Variants in FGD5 observed in about 807,000 individuals in gnomAD.
The protein encoded by FGD5 is FYVE, RhoGEF and PH domain containing 5, also known as FYVE, RhoGEF and PH domain-containing protein 5.
Under a neutral mutation model 133.4 loss-of-function variants are expected in FGD5, and 28 were observed. The ratio of observed to expected loss-of-function variants is 0.21; its 90% CI spans 0.16 to 0.29. The LOEUF is 0.29. Ranked by LOEUF, FGD5 falls within the 10% of genes least tolerant of loss-of-function variation. The pLI is 1.00. For missense variants in FGD5, 1,858 were observed against 1,895.2 expected (o/e 0.98, Z 0.36); for synonymous variants, 810 against 776.5 (o/e 1.04, Z -0.72).
rs934462434 is a variant in FGD5 at position 14,819,311 on chromosome 3, C to A, written c.240C>A (p.Asp80Glu). 2.6e-6 allele frequency: 4 copies of A among 1,534,410 alleles called. No homozygotes were observed. Among genetic ancestry groups the A allele is most frequent in the Non-Finnish European group, 2.6e-6 (3 of 1,138,226 alleles). The change falls in exon 1 of 20, where the codon GAC becomes GAA. Residue 80 changes from aspartate (D) to glutamate (E), a missense_variant. Asp to Glu is a conservative substitution (Grantham distance 45, BLOSUM62 2). Coordinates refer to ENST00000285046, the MANE Select transcript of FGD5 (RefSeq NM_152536.4). This position sits in a 1 kb window ranked among gnomAD's most constrained non-coding sequence, Gnocchi z 4.1. ...CGCTGAGGGAGGATGAACCCAAGGA[C>A]GAGGGCAGTGTGGGGAACAAAGCCC... ...RVPLREDEPK[D>E]EGSVGNKALV...
intron 1 of FGD5, among the ~76,000 whole-genome samples, chr3:14,848,717 A>C (rs1301705125): frequency 6.6e-6 from 1 of 152,200 alleles, no homozygotes; most frequent in Non-Finnish European, 1.5e-5. Flanking sequence ...AAAGGTACCC[A>C]CCCATGCAAG....
At chr3:14,854,432 T>TTGATTGATTGATTG (rs1553625404) in intron 1 of FGD5, among the ~76,000 whole-genome samples, 2 of 143,364 alleles carry the variant, frequency 1.4e-5, no homozygotes, top group African/African-American at 2.6e-5. Context: ...TTTATTTATT[T>TTGATTGATTGATTG]ATTGAGACGA....
intron 1 of FGD5, among the ~76,000 whole-genome samples, chr3:14,857,352 AT>A (rs931270293): frequency 3.9e-4 from 59 of 152,178 alleles, no homozygotes; most frequent in Admixed American, 1.4e-3. Flanking sequence ...ACGGGATCTC[AT>A]TTTGTTGCCA....
At chr3:14,896,953 A>C (rs1285430217) in intron 4 of FGD5, 1 of 152,348 alleles carries the variant, frequency 6.6e-6, no homozygotes, top group African/African-American at 2.4e-5. Flanking sequence ...CTTTTTACAC[A>C]GTATATCAGG....
chr3:14,822,489 GT>G (rs11290454), intron 1 of FGD5, among the ~76,000 whole-genome samples: 9,774 of 142,108 alleles, frequency 0.069, 957 homozygotes, highest in African/African-American at 0.22. Context: ...ATCCAAGCTT[GT>G]TTTTTTTTTT....
chr3:14,867,991 T>A (rs1349107773), intron 2 of FGD5, among the ~76,000 whole-genome samples: 4 of 151,162 alleles, frequency 2.6e-5, no homozygotes, highest in African/African-American at 9.8e-5. Flanking sequence ...ATAGGAGAGG[T>A]TTTGGGAGCA....
chr3:14,874,352 C>G lies in FGD5; in HGVS notation c.2659-6220C>G, dbSNP rs915335664. Among the ~76,000 whole-genome samples, 4 of 151,922 alleles carry G rather than the reference C, an allele frequency of 2.6e-5. No individual in the cohort carries two copies. The East Asian group carries it at 7.8e-4, about 30-fold the overall frequency. ...TGGGCAACATAATGAGACCTCGTCT[C>G]TACAAAAAATAAAAAAATTAGCTGG... On this transcript the variant is annotated intron_variant, in intron 2 of 19. Coordinates refer to ENST00000285046, the MANE Select transcript of FGD5 (RefSeq NM_152536.4).
chr3:14,834,780 G>GT, intron 1 of FGD5, among the ~76,000 whole-genome samples: 1 of 152,320 alleles, frequency 6.6e-6, no homozygotes, highest in South Asian at 2.1e-4. Context: ...GTAAGAAGCA[G>GT]TTTAAGGGGT....
intron 10 of FGD5, among the ~76,000 whole-genome samples, chr3:14,910,045 T>C (rs556326797): frequency 6.6e-6 from 1 of 152,216 alleles, no homozygotes; most frequent in Non-Finnish European, 1.5e-5. Flanking sequence ...ATTACAGGCG[T>C]GAGCCACCAC....
chr3:14,842,688 T>G (rs932381348), intron 1 of FGD5, among the ~76,000 whole-genome samples: 6 of 152,252 alleles, frequency 3.9e-5, no homozygotes, highest in African/African-American at 1.4e-4. Context: ...CCTTCTCGGA[T>G]AGCTTTTGGA....
Position 14,864,218 on chromosome 3 carries a change from G to A in FGD5, c.2616G>A (p.Glu872=), listed in dbSNP as rs1208476988. 2 of 1,613,506 alleles carry A rather than the reference G, an allele frequency of 1.2e-6. No individual in the cohort carries two copies. Among genetic ancestry groups the A allele is most frequent in the African/African-American group, 1.3e-5 (1 of 75,068 alleles). The change falls in exon 2 of 20, where the codon GAG becomes GAA. Residue 872 remains glutamate (E), a synonymous_variant. Transcript: ENST00000285046. ...CGGATGAAGAGCAGAGAAGCTCGGA[G>A]GAGGAGGACAGTGCTTCAAGAGACC... is the stretch of plus-strand genomic sequence containing the variant. ...LTSDEEQRSS[E]EEDSASRDPS...
chr3:14,921,502 C>T (rs540112855), intron 13 of FGD5: 105 of 195,700 alleles, frequency 5.4e-4, no homozygotes, highest in Non-Finnish European at 8.8e-4. Flanking sequence ...AGATGTTTAC[C>T]TTTGCCAGCT....
intron 12 of FGD5, 67 bp from the exon 13 acceptor site, chr3:14,918,687 A>C: frequency 1.3e-6 from 2 of 1,508,824 alleles, no homozygotes; most frequent in Admixed American, 3.4e-5. Flanking sequence ...ATCTGCTGCC[A>C]GGAGAAGCCG....
At chr3:14,906,321 T>C (rs912841524) in intron 9 of FGD5, among the ~76,000 whole-genome samples, 1 of 152,246 alleles carries the variant, frequency 6.6e-6, no homozygotes, top group Non-Finnish European at 1.5e-5. Flanking sequence ...TCTGTGGCTC[T>C]GTGGCTGGCC....
chr3:14,819,624 G>T lies in FGD5; in HGVS notation c.553G>T (p.Ala185Ser). Reference protein sequence around the residue: ...ECSLEDSGPWAGEGVFQSDLL... With the variant: ...ECSLEDSGPWSGEGVFQSDLL... ...CAGCCTGGAGGACAGTGGGCCTTGG[G>T]CTGGAGAGGGGGTCTTCCAGAGCGA... is the stretch of plus-strand genomic sequence containing the variant. The change falls in exon 1 of 20, where the codon GCT becomes TCT. Residue 185 changes from alanine to serine, a missense_variant. Ala to Ser is a moderately conservative substitution (Grantham distance 99). Around this residue, in one of 3 missense-constraint regions of FGD5, gnomAD observed 1,824 missense variants for 1,848.9 expected, o/e 0.99. Transcript: ENST00000285046. The surrounding 1 kb of genome is among the most constrained non-coding windows in gnomAD (Gnocchi z 4.1). 1 of 1,551,226 alleles carries T rather than the reference G, an allele frequency of 6.4e-7. No individual in the cohort carries two copies. The highest frequency in any genetic ancestry group is 8.7e-7 in the Non-Finnish European group (1 of 1,146,880).
At chr3:14,891,935 TTCTC>T (rs757613377) in intron 4 of FGD5, among the ~76,000 whole-genome samples, 1 of 151,658 alleles carries the variant, frequency 6.6e-6, no homozygotes, top group Non-Finnish European at 1.5e-5. Flanking sequence ...CTCTTTCTTT[TTCTC>T]TCTTTCTCCC....
intron 2 of FGD5, among the ~76,000 whole-genome samples, chr3:14,874,571 G>A (rs2037679494): frequency 2.6e-5 from 4 of 152,056 alleles, no homozygotes; most frequent in Non-Finnish European, 5.9e-5. Context: ...AGGGAGAGGT[G>A]GCAAGCTACT....
At chr3:14,852,227 T>A (rs776214926) in intron 1 of FGD5, among the ~76,000 whole-genome samples, 47 of 152,174 alleles carry the variant, frequency 3.1e-4, no homozygotes, top group Admixed American at 9.2e-4. Flanking sequence ...AGCAGTATGA[T>A]CTGTCCATAC....
At chr3:14,870,721 C>G (rs1003336145) in intron 2 of FGD5, among the ~76,000 whole-genome samples, 1 of 152,174 alleles carries the variant, frequency 6.6e-6, no homozygotes, top group Non-Finnish European at 1.5e-5. Flanking sequence ...TCTGGCCTGA[C>G]CCCAGACTTG....
Sources: gnomAD v4.1 joint callset for allele counts (sites outside exome capture counted in the v4.1 genomes callset) on GRCh38, gnomAD v4.1.1 for gene constraint, gnomAD v4.1.1 regional missense constraint, Gnocchi (gnomAD v3.1) non-coding constraint, MANE v1.5 for transcripts, NCBI Gene and HGNC (gene_info 2026-07-23, HGNC 2026-07-21) for gene names.